NIPSNAP2: variants seen among roughly 807,000 people sequenced by gnomAD.
The protein encoded by NIPSNAP2 is protein NipSnap homolog 2.
A neutral mutation model predicts 48.4 loss-of-function variants in NIPSNAP2; 42 were observed. The ratio of observed to expected loss-of-function variants is 0.87; its 90% CI spans 0.68 to 1.12. The LOEUF (loss-of-function observed/expected upper bound fraction) is 1.12, where lower values mean the gene tolerates loss of function less well. Ranked by LOEUF, NIPSNAP2 falls within the 50% of genes most tolerant of loss-of-function variation. The pLI is 0.00. For synonymous variants in NIPSNAP2, 158 were observed against 126.6 expected (o/e 1.25, Z -1.67); for missense variants, 314 against 347.3 (o/e 0.90, Z 0.76).
At chr7:55,990,003 A>C (rs902486231) in intron 7 of NIPSNAP2, among the ~76,000 whole-genome samples, 19 of 150,704 alleles carry the variant, frequency 1.3e-4, no homozygotes, top group Non-Finnish European at 8.9e-5. Flanking sequence ...CTGTAGTCCC[A>C]GCTACTCAGG....
At chr7:55,990,951 C>T (rs1048241074) in intron 7 of NIPSNAP2, among the ~76,000 whole-genome samples, 12 of 152,042 alleles carry the variant, frequency 7.9e-5, no homozygotes, top group Non-Finnish European at 1.8e-4. Flanking sequence ...CCACACCTGG[C>T]TAATATGTTT....
intron 6 of NIPSNAP2, 146 bp downstream of exon 6, chr7:55,984,014 T>C: frequency 1.9e-6 from 1 of 536,562 alleles, no homozygotes; most frequent in Non-Finnish European, 3.0e-6. Context: ...TAAGACTGGG[T>C]CTCACACTGT....
intron 7 of NIPSNAP2, among the ~76,000 whole-genome samples, chr7:55,991,344 T>C (rs1422707073): frequency 6.6e-6 from 1 of 152,204 alleles, no homozygotes; most frequent in Non-Finnish European, 1.5e-5. Flanking sequence ...GTTAATCATG[T>C]AGCTACTCAC....
At chr7:55,989,995 G>A (rs1787410968) in intron 7 of NIPSNAP2, among the ~76,000 whole-genome samples, 1 of 150,480 alleles carries the variant, frequency 6.6e-6, no homozygotes, top group Non-Finnish European at 1.5e-5. Flanking sequence ...GCGAGCACCT[G>A]TAGTCCCAGC....
chr7:55,966,832 G>GA (rs1786904704), intron 1 of NIPSNAP2, among the ~76,000 whole-genome samples: 1 of 152,108 alleles, frequency 6.6e-6, no homozygotes, highest in Non-Finnish European at 1.5e-5. Flanking sequence ...TGCTTGAGGC[G>GA]AGAGTGTGGA....
At chr7:55,990,791 CTTT>C (rs398004849) in intron 7 of NIPSNAP2, among the ~76,000 whole-genome samples, 2 of 136,696 alleles carry the variant, frequency 1.5e-5, no homozygotes, top group Admixed American at 7.3e-5. Flanking sequence ...TTTTCTTTTT[CTTT>C]TTTTTTTTTT....
At chr7:55,987,586 C>T (rs187692815) in intron 7 of NIPSNAP2, among the ~76,000 whole-genome samples, 57 of 152,300 alleles carry the variant, frequency 3.7e-4, no homozygotes, top group African/African-American at 1.3e-3. Context: ...TGAGATCGCG[C>T]CACTGCCCTC....
chr7:55,997,338 C>G, intron 8 of NIPSNAP2, 28 bp from the exon 9 acceptor site: 3 of 1,552,670 alleles, frequency 1.9e-6, no homozygotes, highest in Non-Finnish European at 2.7e-6. Context: ...TGTTTTAAGT[C>G]TTACTTCTCT....
intron 5 of NIPSNAP2, 101 bp from the exon 6 acceptor site, chr7:55,983,627 G>T: frequency 8.2e-7 from 1 of 1,224,662 alleles, no homozygotes; most frequent in Admixed American, 2.1e-5. Context: ...GGGACCTGTT[G>T]ATTACCCTAT....
Position 55,999,999 on chromosome 7 carries a change from T to A in NIPSNAP2, c.*927T>A, listed in dbSNP as rs1047219348. 1 of 152,648 alleles carries A rather than the reference T, an allele frequency of 6.6e-6. No individual in the cohort carries two copies. The highest frequency in any genetic ancestry group is 1.5e-5 in the Non-Finnish European group (1 of 68,044). The allele number at this position is 152,648 out of a possible 1,614,324, so 9.5% of individuals were successfully genotyped here. A position where few individuals can be genotyped will look rare whatever the true frequency, so the allele number is the denominator to read the frequency against. On this transcript the variant is annotated 3_prime_UTR_variant, in exon 10 of 10. Coordinates refer to ENST00000322090, the MANE Select transcript of NIPSNAP2 (RefSeq NM_001483.3). ...TGTTTGATTTCATTTTTTAATATAGTATGCCAATTTTGTGACTGTTACCAT... is the reference window on the plus strand; with the variant it reads ...TGTTTGATTTCATTTTTTAATATAGAATGCCAATTTTGTGACTGTTACCAT...
At chr7:55,984,717 CAAAAAAAA>C in intron 6 of NIPSNAP2, 122 bp from the exon 7 acceptor site, 5 of 491,850 alleles carry the variant, frequency 1.0e-5, no homozygotes, top group Non-Finnish European at 1.4e-5. Context: ...GATTCTGTCT[CAAAAAAAA>C]AAAAAAAAAA....
chr7:55,968,859 C>T (rs574333083), intron 1 of NIPSNAP2, among the ~76,000 whole-genome samples: 7 of 152,190 alleles, frequency 4.6e-5, no homozygotes, highest in Admixed American at 6.6e-5. Context: ...AACCCTGTCT[C>T]TACTAAAACT....
intron 1 of NIPSNAP2, among the ~76,000 whole-genome samples, chr7:55,975,265 A>T (rs1245203890): frequency 6.6e-6 from 1 of 152,030 alleles, no homozygotes; most frequent in African/African-American, 2.4e-5. Flanking sequence ...AGGTGGGGGA[A>T]TCGTTTGAGC....
Position 55,994,979 on chromosome 7 carries a change from C to T in NIPSNAP2, c.703C>T (p.His235Tyr), listed in dbSNP as rs1202593067. 1 of 1,613,458 alleles carries T rather than the reference C, an allele frequency of 6.2e-7. No homozygotes were observed. Among genetic ancestry groups the T allele is most frequent in the Non-Finnish European group, 8.5e-7 (1 of 1,179,394 alleles). The change falls in exon 8 of 10, where the codon CAT (histidine) becomes TAT (tyrosine). Residue 235 changes from histidine to tyrosine, a missense_variant. By Grantham distance (83) the His-to-Tyr change is moderately conservative. Transcript: ENST00000322090. ...GATTGGGCAGCTGTACATGGTGCAC[C>T]ATCTTTGGGGTATCTGTTTTTCCCT... ...SQIGQLYMVH[H>Y]LWAYRDLQTR... is the part of the protein sequence containing the mutation.
At chr7:55,987,962 CAAT>C (rs1787365182) in intron 7 of NIPSNAP2, among the ~76,000 whole-genome samples, 1 of 151,916 alleles carries the variant, frequency 6.6e-6, no homozygotes, top group African/African-American at 2.4e-5. Context: ...TTTTTTACCA[CAAT>C]AAAAAATACG....
intron 7 of NIPSNAP2, 40 bp from the exon 8 acceptor site, chr7:55,994,854 T>C: frequency 6.5e-7 from 1 of 1,537,754 alleles, no homozygotes; most frequent in Non-Finnish European, 9.0e-7. Context: ...TTAGCGTATC[T>C]AATTCAGTGT....
At chr7:55,983,639 A>G in intron 5 of NIPSNAP2, 89 bp from the exon 6 acceptor site, 1 of 1,362,174 alleles carries the variant, frequency 7.3e-7, no homozygotes, top group Non-Finnish European at 1.0e-6. Context: ...TTACCCTATT[A>G]TAGTATTCTG....
At chr7:55,998,172 G>A (rs1787603807) in intron 9 of NIPSNAP2, among the ~76,000 whole-genome samples, 1 of 151,880 alleles carries the variant, frequency 6.6e-6, no homozygotes, top group South Asian at 2.1e-4. Flanking sequence ...GACTGAGGCA[G>A]GAGAATCGCT....
chr7:55,975,432 G>C (rs893434685), intron 1 of NIPSNAP2, among the ~76,000 whole-genome samples: 1 of 152,112 alleles, frequency 6.6e-6, no homozygotes, highest in South Asian at 2.1e-4. Flanking sequence ...TTATAAAAGG[G>C]ATTGTGCAGA....
Sources: gnomAD v4.1 joint callset for allele counts (sites outside exome capture counted in the v4.1 genomes callset) on GRCh38, gnomAD v4.1.1 for gene constraint, MANE v1.5 for transcripts, NCBI Gene and HGNC (gene_info 2026-07-23, HGNC 2026-07-21) for gene names.